CRYBG2: variants seen among roughly 807,000 people sequenced by gnomAD.
CRYBG2 encodes crystallin beta-gamma domain containing 2.
A neutral mutation model predicts 153.4 loss-of-function variants in CRYBG2; 106 were observed. That is an observed-to-expected ratio of 0.69 (90% confidence interval 0.59 to 0.81). The LOEUF is 0.81. Among genes scored for constraint, CRYBG2 ranks in the 30% least tolerant of loss-of-function variants. The probability of loss-of-function intolerance (pLI) is 0.00; values close to 1 mark genes in which losing one functional copy is unlikely to be tolerated. For synonymous variants in CRYBG2, 851 were observed against 877.8 expected, an observed-to-expected ratio of 0.97 and a Z score of 0.54; for missense variants, 1,996 against 2,112.0, an observed-to-expected ratio of 0.95 and a Z score of 1.08.
Position 26,336,013 on chromosome 1 carries a change from A to G in CRYBG2, c.4184+82T>C. ...AGTTCATCGCAAGGTAGCCAAAGGA[A>G]GGAAATCATTTGAAAGACTCTCCTC... On this transcript the variant is annotated intron_variant, in intron 14 of 19. Coordinates refer to ENST00000308182, the MANE Select transcript of CRYBG2 (RefSeq NM_001039775.4). This position sits in a 1 kb window ranked among gnomAD's most constrained non-coding sequence, Gnocchi z 4.9. 1 of 1,174,476 alleles carries G rather than the reference A, an allele frequency of 8.5e-7. No homozygotes were observed. Among genetic ancestry groups the G allele is most frequent in the African/African-American group, 1.6e-5 (1 of 64,196 alleles). The allele number at this position is 1,174,476 out of a possible 1,614,324, so 72.8% of individuals were successfully genotyped here.
At position 26,336,025 on chromosome 1, in the gene CRYBG2, G is replaced by T; in HGVS notation, c.4184+70C>A. 3 of 1,258,744 alleles carry T rather than the reference G, an allele frequency of 2.4e-6. No homozygotes were observed. Among genetic ancestry groups the T allele is most frequent in the Middle Eastern group, 2.8e-4 (1 of 3,574 alleles). 78.0% of individuals were successfully genotyped at this position (1,258,744 alleles called of 1,614,324 possible). A position where few individuals can be genotyped will look rare whatever the true frequency, so the allele number is the denominator to read the frequency against. On this transcript the variant is annotated intron_variant, in intron 14 of 19. Transcript: ENST00000308182. This position sits in a 1 kb window ranked among gnomAD's most constrained non-coding sequence, Gnocchi z 4.9. The stretch of plus-strand genomic sequence containing the variant: ...GGTAGCCAAAGGAAGGAAATCATTT[G>T]AAAGACTCTCCTCCTGCAGCCCCGC...
chr1:26,330,401 C>T (rs1479179565), intron 15 of CRYBG2, among the ~76,000 whole-genome samples: 1 of 152,082 alleles, frequency 6.6e-6, no homozygotes, highest in African/African-American at 2.4e-5. Flanking sequence ...TGGGGGAGAG[C>T]CTGGCTTTGC....
At chr1:26,353,448 T>G (rs1261055571) in intron 1 of CRYBG2, among the ~76,000 whole-genome samples, 1 of 152,110 alleles carries the variant, frequency 6.6e-6, no homozygotes, top group East Asian at 1.9e-4. Context: ...TCAACACAAA[T>G]AAAACTAGGC....
intron 14 of CRYBG2, among the ~76,000 whole-genome samples, chr1:26,332,511 T>G (rs951716753): frequency 6.6e-6 from 1 of 151,954 alleles, no homozygotes; most frequent in Non-Finnish European, 1.5e-5. Context: ...TTGTTATTGT[T>G]GTTGTTGTTG....
chr1:26,337,203 G>A, intron 10 of CRYBG2, 50 bp downstream of exon 10: 2 of 1,610,102 alleles, frequency 1.2e-6, no homozygotes, highest in Non-Finnish European at 1.7e-6. Flanking sequence ...TACTGGGGGA[G>A]GTCTGGCTGT....
intron 17 of CRYBG2, chr1:26,327,180 A>G (rs1397511896): frequency 4.3e-6 from 1 of 234,838 alleles, no homozygotes; most frequent in African/African-American, 2.2e-5. Flanking sequence ...CTAAAAATAC[A>G]AAAATTAGCT....
intron 5 of CRYBG2, among the ~76,000 whole-genome samples, chr1:26,341,924 T>C (rs1436913207): frequency 1.3e-5 from 2 of 152,118 alleles, no homozygotes; most frequent in African/African-American, 4.8e-5. Context: ...GCCAGTGGGA[T>C]GTTTATAAAT....
intron 17 of CRYBG2, chr1:26,326,627 A>T (rs191652798): frequency 1.1e-4 from 23 of 206,772 alleles, no homozygotes; most frequent in East Asian, 3.2e-4. Flanking sequence ...GGATAAAGTT[A>T]AAAAAAATGT....
At chr1:26,322,590 A>T (rs957363661) in intron 18 of CRYBG2, among the ~76,000 whole-genome samples, 5 of 152,214 alleles carry the variant, frequency 3.3e-5, no homozygotes, top group Admixed American at 6.5e-5. Flanking sequence ...CTTCCAAAGC[A>T]TAGGCTTTAG....
chr1:26,351,789 C>T (rs1299162495), intron 1 of CRYBG2, among the ~76,000 whole-genome samples: 1 of 152,188 alleles, frequency 6.6e-6, no homozygotes, highest in African/African-American at 2.4e-5. Flanking sequence ...TTCACCTGCC[C>T]CGTCCCTGAA....
At position 26,336,640 on chromosome 1, in the gene CRYBG2, T is replaced by C. The variant is rs554259315; in HGVS notation, c.4004A>G (p.Asn1335Ser). The C allele has an allele frequency of 2.6e-6, 4 of 1,550,582 alleles. No individual in the cohort carries two copies. Among genetic ancestry groups the C allele is most frequent in the Admixed American group, 2.0e-5 (1 of 51,026 alleles). Reference sequence around the variant, plus strand: ...CGGCTGCAGCGAGGCGAGGGTGCTGTTGCCAGCGCCCCAGTCCTCGCAGTT... The same window carrying C: ...CGGCTGCAGCGAGGCGAGGGTGCTGCTGCCAGCGCCCCAGTCCTCGCAGTT... ...YRNCEDWGAG[N>S]STLASLQPVL... Residue 1335 changes from asparagine (N) to serine (S), a missense_variant, in exon 12 of 20, where the codon AAC (asparagine) becomes AGC (serine). Asn to Ser is a conservative substitution (Grantham distance 46). Transcript: ENST00000308182. This position sits in a 1 kb window ranked among gnomAD's most constrained non-coding sequence, Gnocchi z 4.9.
chr1:26,323,063 A>G (rs1458578499), intron 18 of CRYBG2, among the ~76,000 whole-genome samples: 2 of 146,574 alleles, frequency 1.4e-5, no homozygotes, highest in Non-Finnish European at 3.0e-5. Flanking sequence ...CTCCCCTACC[A>G]TACCTGATAC....
intron 1 of CRYBG2, among the ~76,000 whole-genome samples, chr1:26,352,970 C>T (rs1476999589): frequency 6.6e-6 from 1 of 151,980 alleles, no homozygotes; most frequent in East Asian, 1.9e-4. Context: ...TACAATGCTG[C>T]CCAATCCACC....
chr1:26,326,857 T>C (rs972754128), intron 17 of CRYBG2: 2 of 507,966 alleles, frequency 3.9e-6, no homozygotes, highest in Non-Finnish European at 7.8e-6. Flanking sequence ...AAGGGGTTCA[T>C]GTTGTGAGGT....
chr1:26,332,281 T>C (rs1443615811), intron 14 of CRYBG2, among the ~76,000 whole-genome samples: 2 of 124,776 alleles, frequency 1.6e-5, no homozygotes, highest in South Asian at 2.5e-4. Flanking sequence ...CACTCCAGCC[T>C]GGGCAACAGA....
chr1:26,352,673 G>A (rs1247950851), intron 1 of CRYBG2, among the ~76,000 whole-genome samples: 1 of 151,908 alleles, frequency 6.6e-6, no homozygotes, highest in Non-Finnish European at 1.5e-5. Flanking sequence ...CCTCCCACCT[G>A]AGTCTGTCAT....
At chr1:26,328,989 G>T in intron 15 of CRYBG2, 116 bp from the exon 16 acceptor site, 1 of 1,312,500 alleles carries the variant, frequency 7.6e-7, no homozygotes, top group South Asian at 1.3e-5. Flanking sequence ...CTTCCCTCCT[G>T]AGCTCAGTTC....
rs756342640 is a variant in CRYBG2 at position 26,345,778 on chromosome 1, T to C, written c.880A>G (p.Thr294Ala). Residue 294 changes from threonine (T) to alanine (A), a missense_variant, in exon 2 of 20, where the codon ACA (threonine) becomes GCA (alanine). Transcript: ENST00000308182. ...AGGTGAGCACTGGCTGGGATGCCTG[T>C]AGAGGCCAGGGCAGAGCTGTCTTTA... ...ELKDSSALAS[T>A]GIPASAHLPK... 50 of 1,596,940 alleles carry C rather than the reference T, an allele frequency of 3.1e-5. No individual in the cohort carries two copies. The highest frequency in any genetic ancestry group is 5.0e-5 in the Admixed American group (3 of 59,784).
Position 26,321,951 on chromosome 1 carries a change from G to C in CRYBG2, c.*17C>G, listed in dbSNP as rs562768028. ...CCCAGCAAAAGCCTCCAGGGCTGGA[G>C]GGTGAGGGGAAAAGTTTCAAAGCAC... On this transcript the variant is annotated 3_prime_UTR_variant, in exon 20 of 20. Coordinates refer to ENST00000308182, the MANE Select transcript of CRYBG2 (RefSeq NM_001039775.4). 18 of 1,542,552 alleles carry C rather than the reference G, an allele frequency of 1.2e-5. No individual in the cohort carries two copies. Among genetic ancestry groups the C allele is most frequent in the Admixed American group, 4.1e-5 (2 of 49,170 alleles).
Sources: gnomAD v4.1 joint callset for allele counts (sites outside exome capture counted in the v4.1 genomes callset) on GRCh38, gnomAD v4.1.1 for gene constraint, Gnocchi (gnomAD v3.1) non-coding constraint, MANE v1.5 for transcripts, NCBI Gene and HGNC (gene_info 2026-07-23, HGNC 2026-07-21) for gene names.